Variants in TEX2 observed in about 807,000 individuals in gnomAD.
TEX2 encodes testis expressed 2.
Under a neutral mutation model 106.9 loss-of-function variants are expected in TEX2, and 53 were observed. The observed-to-expected ratio is 0.50, with a 90% CI of 0.40 to 0.62. The LOEUF (loss-of-function observed/expected upper bound fraction) is 0.62. Ranked by LOEUF, TEX2 falls within the 20% of genes least tolerant of loss-of-function variation. The probability of loss-of-function intolerance (pLI) is 0.00; values close to 1 mark genes in which losing one functional copy is unlikely to be tolerated. For synonymous variants in TEX2, 523 were observed against 534.8 expected, an observed-to-expected ratio of 0.98 and a Z score of 0.30; for missense variants, 1,207 against 1,379.0, an observed-to-expected ratio of 0.88 and a Z score of 1.98.
intron 1 of TEX2, among the ~76,000 whole-genome samples, chr17:64,246,419 C>CA (rs1439067387): frequency 1.3e-5 from 2 of 152,018 alleles, no homozygotes; most frequent in Non-Finnish European, 2.9e-5. Flanking sequence ...CTAATTTTTG[C>CA]ATTTTTTAGT....
At chr17:64,246,877 T>C (rs1404035087) in intron 1 of TEX2, among the ~76,000 whole-genome samples, 5 of 152,200 alleles carry the variant, frequency 3.3e-5, no homozygotes, top group Admixed American at 3.3e-4. Flanking sequence ...TGGTGCTGTG[T>C]CTACGTGAGG....
intron 4 of TEX2, among the ~76,000 whole-genome samples, chr17:64,190,819 G>A (rs1019694059): frequency 6.6e-6 from 1 of 152,152 alleles, no homozygotes; most frequent in Non-Finnish European, 1.5e-5. Context: ...TTAAGATCCC[G>A]TCAAACATTC....
At chr17:64,227,690 A>G (rs2033544641) in intron 1 of TEX2, among the ~76,000 whole-genome samples, 2 of 152,234 alleles carry the variant, frequency 1.3e-5, no homozygotes, top group Non-Finnish European at 2.9e-5. Context: ...GAAGTAATCT[A>G]TCATTAGCAA....
chr17:64,174,912 C>G (rs1226762061), intron 6 of TEX2, among the ~76,000 whole-genome samples: 1 of 152,232 alleles, frequency 6.6e-6, no homozygotes, highest in Admixed American at 6.5e-5. Context: ...GAGTCATGAT[C>G]ATGTGCAAGG....
intron 7 of TEX2, among the ~76,000 whole-genome samples, chr17:64,170,378 G>A (rs1055545771): frequency 1.1e-4 from 16 of 152,198 alleles, no homozygotes; most frequent in African/African-American, 3.9e-4. Flanking sequence ...GTAAGGATGT[G>A]AACACATGTG....
At position 64,212,597 on chromosome 17, in the gene TEX2, T is replaced by C. The variant is rs2033036846; in HGVS notation, c.1621A>G (p.Ile541Val). 1 of 1,613,968 alleles carries C rather than the reference T, an allele frequency of 6.2e-7. No homozygotes were observed. The highest frequency in any genetic ancestry group is 1.1e-5 in the South Asian group (1 of 91,066). Reference protein sequence around the residue: ...LRHWNTRSLDIKEPEILKGWM... With the variant: ...LRHWNTRSLDVKEPEILKGWM... ...ACCTTCAGTATTTCAGGTTCTTTGA[T>C]ATCCAGAGATCTTGTGTTCCAGTGT... The change falls in exon 2 of 12, where the codon ATC (isoleucine) becomes GTC (valine). Residue 541 changes from isoleucine to valine, a missense_variant. By Grantham distance (29) the Ile-to-Val change is conservative. Around this residue, in one of 3 missense-constraint regions of TEX2, gnomAD observed 1,067 missense variants for 1,193.6 expected, o/e 0.89. Transcript: ENST00000584379.
At chr17:64,210,285 C>T (rs1042560102) in intron 2 of TEX2, among the ~76,000 whole-genome samples, 2 of 152,080 alleles carry the variant, frequency 1.3e-5, no homozygotes, top group African/African-American at 4.8e-5. Flanking sequence ...CACAGCTTCT[C>T]TTAAAGAAGA....
Position 64,195,447 on chromosome 17 carries a change from A to G in TEX2, c.1645-352T>C, listed in dbSNP as rs2032438119. On this transcript the variant is annotated intron_variant, in intron 2 of 11. Transcript: ENST00000584379. The surrounding 1 kb of genome is among the most constrained non-coding windows in gnomAD (Gnocchi z 4.1). ...CTGCCTGACCTCCTTTGGGGTGATT[A>G]ATCCCACCCAGTCTGGCCTTCTTAA... 6.6e-6 allele frequency among the ~76,000 whole-genome samples: 1 copy of G among 152,160 alleles called. No individual in the cohort carries two copies. The highest frequency in any genetic ancestry group is 2.4e-5 in the African/African-American group (1 of 41,428).
intron 2 of TEX2, among the ~76,000 whole-genome samples, chr17:64,199,440 T>C (rs1555629809): frequency 6.6e-6 from 1 of 152,134 alleles, no homozygotes; most frequent in Non-Finnish European, 1.5e-5. Context: ...TTTCACCATG[T>C]TGGCCAGGCT....
intron 1 of TEX2, among the ~76,000 whole-genome samples, chr17:64,226,955 C>T (rs1040904382): frequency 1.3e-5 from 2 of 152,052 alleles, no homozygotes; most frequent in African/African-American, 2.4e-5. Flanking sequence ...AGGCTGGGCA[C>T]GGGGGCTCAC....
At chr17:64,166,211 C>T (rs2143696984) in intron 7 of TEX2, among the ~76,000 whole-genome samples, 1 of 152,334 alleles carries the variant, frequency 6.6e-6, no homozygotes, top group East Asian at 1.9e-4. Flanking sequence ...CAGCAGCTAA[C>T]ACTGATGCTT....
intron 6 of TEX2, among the ~76,000 whole-genome samples, chr17:64,175,200 C>T (rs1185810246): frequency 6.6e-6 from 1 of 152,164 alleles, no homozygotes; most frequent in Non-Finnish European, 1.5e-5. Flanking sequence ...TTGGTAATGT[C>T]CTTCTGCTTT....
Position 64,185,698 on chromosome 17 carries a change from G to A in TEX2, c.2424+2470C>T, listed in dbSNP as rs897945536. Among the ~76,000 whole-genome samples, 2 of 152,160 alleles carry A rather than the reference G, an allele frequency of 1.3e-5. No individual in the cohort carries two copies. Among genetic ancestry groups the A allele is most frequent in the African/African-American group, 4.8e-5 (2 of 41,428 alleles). ...ACCACTTTGGGAGGCCGAGGAGAGT[G>A]GATCACCAGAGGTCAGGAGTTCAAG... On this transcript the variant is annotated intron_variant, in intron 5 of 11. Transcript: ENST00000584379. This position sits in a 1 kb window ranked among gnomAD's most constrained non-coding sequence, Gnocchi z 4.0.
chr17:64,158,054 C>T (rs2030713426), intron 8 of TEX2, among the ~76,000 whole-genome samples: 1 of 152,212 alleles, frequency 6.6e-6, no homozygotes, highest in Non-Finnish European at 1.5e-5. Flanking sequence ...TCAATCCCAT[C>T]TGAATGTTGT....
Position 64,149,371 on chromosome 17 carries a change from A to G in TEX2, c.3262-280T>C, listed in dbSNP as rs972469735. The G allele has an allele frequency of 1.2e-5, 4 of 329,226 alleles. No homozygotes were observed. In the Admixed American group the frequency reaches 1.8e-4, roughly 15 times the overall value. The allele number at this position is 329,226 out of a possible 1,614,324, so 20.4% of individuals were successfully genotyped here. ...TAAGGTTGCCCATATGCACTGATAT[A>G]TATCCAACAATTTAAGAGAATTGGC... On this transcript the variant is annotated intron_variant, in intron 11 of 11. Transcript: ENST00000584379.
At chr17:64,202,929 G>A (rs2032716090) in intron 2 of TEX2, among the ~76,000 whole-genome samples, 1 of 152,206 alleles carries the variant, frequency 6.6e-6, no homozygotes, top group South Asian at 2.1e-4. Flanking sequence ...GTCCTGTGAT[G>A]GCATTTGTAA....
At chr17:64,165,270 T>C (rs2031073296) in intron 7 of TEX2, among the ~76,000 whole-genome samples, 2 of 152,208 alleles carry the variant, frequency 1.3e-5, no homozygotes, top group African/African-American at 4.8e-5. Context: ...AATTAGCAAT[T>C]CCTTGTGTGT....
chr17:64,175,700 C>T (rs1185152040), intron 6 of TEX2, among the ~76,000 whole-genome samples: 1 of 152,186 alleles, frequency 6.6e-6, no homozygotes, highest in African/African-American at 2.4e-5. Flanking sequence ...CCTCTGCAAC[C>T]CAAGTATCTG....
intron 1 of TEX2, among the ~76,000 whole-genome samples, chr17:64,233,279 A>C (rs2033696823): frequency 6.6e-6 from 1 of 152,192 alleles, no homozygotes; most frequent in South Asian, 2.1e-4. Flanking sequence ...TTACACTTTA[A>C]AAACACACAT....
Sources: gnomAD v4.1 joint callset for allele counts (sites outside exome capture counted in the v4.1 genomes callset) on GRCh38, gnomAD v4.1.1 for gene constraint, gnomAD v4.1.1 regional missense constraint, Gnocchi (gnomAD v3.1) non-coding constraint, MANE v1.5 for transcripts, NCBI Gene and HGNC (gene_info 2026-07-23, HGNC 2026-07-21) for gene names.